ERAP1: variants seen among roughly 807,000 people sequenced by gnomAD.
ERAP1 encodes the protein endoplasmic reticulum aminopeptidase 1, also known as adipocyte-derived leucine aminopeptidase.
In ERAP1, 86 loss-of-function variants were observed where a neutral mutation model predicts 103.7. The ratio of observed to expected loss-of-function variants is 0.83; its 90% confidence interval spans 0.70 to 0.99. The LOEUF is 0.99. Among genes scored for constraint, ERAP1 ranks in the 50% least tolerant of loss-of-function variants. The pLI, the probability that ERAP1 is intolerant of heterozygous loss-of-function variation, is 0.00. For synonymous variants in ERAP1, 398 were observed against 402.4 expected, an observed-to-expected ratio of 0.99 and a Z score of 0.13; for missense variants, 1,009 against 1,128.4, an observed-to-expected ratio of 0.89 and a Z score of 1.52.
chr5:96,792,842 A>T (rs1776888990), intron 7 of ERAP1, among the ~76,000 whole-genome samples: 2 of 152,210 alleles, frequency 1.3e-5, no homozygotes, highest in Admixed American at 6.5e-5. Flanking sequence ...AATGAAAAGA[A>T]TCATTGGAGT....
the ERAP1 span, among the ~76,000 whole-genome samples, chr5:96,865,263 A>G: frequency 1.3e-5 from 2 of 152,330 alleles, no homozygotes; most frequent in South Asian, 4.1e-4. Flanking sequence ...TGCAACTTAT[A>G]GAAAAAATGT....
chr5:96,851,779 G>C, the ERAP1 span, among the ~76,000 whole-genome samples: 7 of 152,156 alleles, frequency 4.6e-5, no homozygotes, highest in African/African-American at 1.7e-4. Context: ...GAAAAGCCAA[G>C]AAACTCAAGT....
rs1773980601 is a variant in ERAP1 at position 96,775,253 on chromosome 5, GAA to G, written c.*1141_*1142del. The G allele has an allele frequency of 2.2e-6, 2 of 923,396 alleles. No individual in the cohort carries two copies. Among genetic ancestry groups the G allele is most frequent in the East Asian group, 2.6e-4 (2 of 7,772 alleles). The allele number at this position is 923,396 out of a possible 1,614,324, so 57.2% of individuals were successfully genotyped here. ...ACTGTGTGCTGAAGCAACCGTGTGT[GAA>G]GTCTTCACAAAAGAAAGAAAGACTT... On this transcript the variant is annotated 3_prime_UTR_variant, in exon 19 of 19. Coordinates refer to ENST00000443439, the MANE Select transcript of ERAP1 (RefSeq NM_001040458.3).
At chr5:96,886,464 G>C in the ERAP1 span, among the ~76,000 whole-genome samples, 2 of 152,224 alleles carry the variant, frequency 1.3e-5, no homozygotes, top group Non-Finnish European at 2.9e-5. Context: ...GTTTTCAACA[G>C]AGTGTTGGGG....
intron 12 of ERAP1, 69 bp from the exon 13 acceptor site, chr5:96,786,040 A>T: frequency 6.8e-7 from 1 of 1,461,732 alleles, no homozygotes; most frequent in Non-Finnish European, 9.5e-7. Flanking sequence ...CTCATCCAAG[A>T]TTGGGCAAGG....
In ERAP1 at chr5:96,797,217, T is replaced by C. The variant is rs1308757298; in HGVS notation, c.756A>G (p.Ser252=). 1 of 1,614,194 alleles carries C rather than the reference T, an allele frequency of 6.2e-7. No homozygotes were observed. The highest frequency in any genetic ancestry group is 8.5e-7 in the Non-Finnish European group (1 of 1,180,026). The part of the protein sequence containing the change: ...MSTYLVAFII[S]DFESVSKITK... ...TTATCTTGCTGACAGACTCAAAATCTGAAATGATGAAGGCCACCAGATAGG... is the reference window on the plus strand; with the variant it reads ...TTATCTTGCTGACAGACTCAAAATCCGAAATGATGAAGGCCACCAGATAGG... The change falls in exon 4 of 19, where the codon TCA becomes TCG. Residue 252 remains serine, a synonymous_variant. Coordinates refer to ENST00000443439, the MANE Select transcript of ERAP1 (RefSeq NM_001040458.3).
chr5:96,884,764 T>A, the ERAP1 span, among the ~76,000 whole-genome samples: 391 of 151,660 alleles, frequency 2.6e-3, 6 homozygotes, highest in Admixed American at 0.022. Flanking sequence ...TTTCACCACG[T>A]TAGTCAGCCT....
intron 4 of ERAP1, among the ~76,000 whole-genome samples, chr5:96,795,575 G>A (rs565719427): frequency 6.6e-6 from 1 of 152,184 alleles, no homozygotes; most frequent in East Asian, 1.9e-4. Flanking sequence ...CCAAGTCCAG[G>A]GCCTGCCCAA....
chr5:96,874,511 G>A, the ERAP1 span, among the ~76,000 whole-genome samples: 2 of 152,174 alleles, frequency 1.3e-5, no homozygotes, highest in Non-Finnish European at 2.9e-5. Context: ...AGCCCTTGGG[G>A]CCTCCTCTTC....
At chr5:96,806,623 CTTTTTTTTTTTTTT>C (rs75649816) in intron 1 of ERAP1, among the ~76,000 whole-genome samples, 1 of 128,020 alleles carries the variant, frequency 7.8e-6, no homozygotes, top group African/African-American at 3.0e-5. Flanking sequence ...CAAGATCCCT[CTTTTTTTTTTTTTT>C]TTTTTTTTTT....
upstream of ERAP1, among the ~76,000 whole-genome samples, chr5:96,810,075 C>G (rs567370693): frequency 4.3e-4 from 65 of 151,618 alleles, no homozygotes; most frequent in South Asian, 7.3e-3. Flanking sequence ...CACCACCACC[C>G]GCTCCACGCC....
the ERAP1 span, among the ~76,000 whole-genome samples, chr5:96,832,923 A>C: frequency 6.6e-6 from 1 of 152,326 alleles, no homozygotes; most frequent in African/African-American, 2.4e-5. Flanking sequence ...GAGACTAATT[A>C]GGTCATGAAG....
At chr5:96,782,906 A>C (rs551427811) in intron 15 of ERAP1, 145 bp downstream of exon 15, 11 of 807,120 alleles carry the variant, frequency 1.4e-5, no homozygotes, top group Non-Finnish European at 2.0e-5. Flanking sequence ...TACATAGATA[A>C]ATCTTAAAAA....
chr5:96,784,912 A>G (rs1222202644), intron 13 of ERAP1: 1 of 152,220 alleles, frequency 6.6e-6, no homozygotes, highest in East Asian at 1.9e-4. Context: ...AGGCTCAAGC[A>G]GAAATATTCT....
the ERAP1 span, chr5:96,909,829 C>G: frequency 3.7e-5 from 56 of 1,514,822 alleles, no homozygotes; most frequent in African/African-American, 6.4e-4. Flanking sequence ...TTTGATCAAG[C>G]AAGACATTAG....
intron 18 of ERAP1, among the ~76,000 whole-genome samples, chr5:96,778,752 T>C (rs1774718967): frequency 2.0e-5 from 3 of 152,144 alleles, no homozygotes; most frequent in African/African-American, 4.8e-5. Flanking sequence ...TAGGACACTA[T>C]TGCAATAGGC....
At chr5:96,790,674 A>G (rs201681405) in intron 8 of ERAP1, 31 bp from the exon 9 acceptor site, 5 of 1,583,814 alleles carry the variant, frequency 3.2e-6, no homozygotes, top group Admixed American at 3.3e-5. Context: ...ATTGTTATCT[A>G]TAGTTTCATT....
At chr5:96,778,139 A>G (rs1774622219) in intron 18 of ERAP1, among the ~76,000 whole-genome samples, 2 of 152,124 alleles carry the variant, frequency 1.3e-5, no homozygotes, top group Admixed American at 1.3e-4. Context: ...ACCAATATTT[A>G]CTCTGATATT....
the ERAP1 span, among the ~76,000 whole-genome samples, chr5:96,905,833 G>T: frequency 6.6e-6 from 1 of 152,086 alleles, no homozygotes; most frequent in Non-Finnish European, 1.5e-5. Flanking sequence ...CTGAACTCCA[G>T]CCTGGGTGAC....
Sources: allele counts gnomAD v4.1 joint callset (sites outside exome capture counted in the v4.1 genomes callset), GRCh38; gene constraint gnomAD v4.1.1; transcripts MANE v1.5; gene names NCBI Gene and HGNC (gene_info 2026-07-23, HGNC 2026-07-21).